DUSP4: variants seen among roughly 807,000 people sequenced by gnomAD.
DUSP4 encodes dual specificity protein phosphatase 4.
In DUSP4, 12 loss-of-function variants were observed where a neutral mutation model predicts 27.2. That is an observed-to-expected ratio of 0.44 (90% CI 0.28 to 0.71). The LOEUF (loss-of-function observed/expected upper bound fraction) is 0.71, where lower values mean the gene tolerates loss of function less well. Ranked by LOEUF, DUSP4 falls within the 30% of genes least tolerant of loss-of-function variation. The pLI, the probability that DUSP4 is intolerant of heterozygous loss-of-function variation, is 0.14. For missense variants in DUSP4, 448 were observed against 551.3 expected, an observed-to-expected ratio of 0.81 and a Z score of 1.88; for synonymous variants, 257 against 245.2, an observed-to-expected ratio of 1.05 and a Z score of -0.45.
In DUSP4 at chr8:29,350,348, A is replaced by C; in HGVS notation, c.-70T>G. On this transcript the variant is annotated 5_prime_UTR_variant, in exon 1 of 4. Transcript: ENST00000240100. Reference sequence around the variant, plus strand: ...GAACCCGGGCCGCCTAGGCTGCAGAAAGGGGCGGGCGAGAGCTAAGAAGGG... The same window carrying C: ...GAACCCGGGCCGCCTAGGCTGCAGACAGGGGCGGGCGAGAGCTAAGAAGGG... 1 of 1,493,918 alleles carries C rather than the reference A, an allele frequency of 6.7e-7. No individual in the cohort carries two copies. Among genetic ancestry groups the C allele is most frequent in the Non-Finnish European group, 8.9e-7 (1 of 1,126,660 alleles). 92.5% of individuals were successfully genotyped at this position (1,493,918 alleles called of 1,614,324 possible). A position where few individuals can be genotyped will look rare whatever the true frequency, so the allele number is the denominator to read the frequency against.
chr8:29,339,840 C>T (rs1304499631), intron 2 of DUSP4, among the ~76,000 whole-genome samples: 2 of 135,688 alleles, frequency 1.5e-5, no homozygotes, highest in Non-Finnish European at 3.2e-5. Context: ...CCCCCCCCCC[C>T]ATCTCTACCA....
Position 29,349,990 on chromosome 8 carries a change from A to G in DUSP4, c.289T>C (p.Leu97=), listed in dbSNP as rs1159099716. Reference sequence around the variant, plus strand: ...ACCGCCGAGTAGAGGCCGGAGCGCAAGCGGGCGCGTACCTCCTCCTCGGCG... The same window carrying G: ...ACCGCCGAGTAGAGGCCGGAGCGCAGGCGGGCGCGTACCTCCTCCTCGGCG... The part of the protein sequence containing the change: ...LPAEEEVRAR[L]RSGLYSAVIV... The change falls in exon 1 of 4, where the codon TTG becomes CTG. Residue 97 remains leucine, a synonymous_variant. Transcript: ENST00000240100. The G allele has an allele frequency of 6.3e-7, 1 of 1,593,644 alleles. No individual in the cohort carries two copies. Among genetic ancestry groups the G allele is most frequent in the Admixed American group, 1.7e-5 (1 of 57,990 alleles).
rs111661543 is a variant in DUSP4, at chr8:29,338,427, G to A, written c.654C>T (p.Asp218=). 225 of 1,614,192 alleles carry A rather than the reference G, an allele frequency of 1.4e-4. No homozygotes were observed. Among genetic ancestry groups the A allele is most frequent in the African/African-American group, 1.1e-3 (79 of 75,044 alleles). ...TCAACAGAGCCGTGATGCCCAGGGC[G>A]TCCAGCATGTCTCTCCGGGCAGCAT... ...AYHAARRDML[D]ALGITALLNV... Residue 218 remains aspartate, a synonymous_variant, in exon 3 of 4, where the codon GAC becomes GAT. Transcript: ENST00000240100.
Position 29,350,670 on chromosome 8 carries a change from C to A in DUSP4, c.-392G>T, listed in dbSNP as rs1587055783. On this transcript the variant is annotated 5_prime_UTR_variant, in exon 1 of 4. Coordinates refer to ENST00000240100, the MANE Select transcript of DUSP4 (RefSeq NM_001394.7). ...GCCTACGCTCCTCCGGCGCTCAGCG[C>A]ACTGCCCCAGCCAGAGTTTTCTCCT... 4.7e-6 allele frequency: 1 copy of A among 210,778 alleles called. No homozygotes were observed. The highest frequency in any genetic ancestry group is 1.3e-4 in the East Asian group (1 of 7,654). 13.1% of individuals were successfully genotyped at this position (210,778 alleles called of 1,614,324 possible).
In DUSP4 at chr8:29,340,131, G is replaced by A; in HGVS notation, c.546C>T (p.Gly182=). ...PPSATEPLDL[G]CSSCGTPLHD... ...GTAGTGGGGTCCCACAGGAGCTGCA[G>A]CCCAGGTCCAAGGGCTCTGTGGCAC... Residue 182 remains glycine (G), a synonymous_variant, in exon 2 of 4, where the codon GGC becomes GGT. Coordinates refer to ENST00000240100, the MANE Select transcript of DUSP4 (RefSeq NM_001394.7). The A allele has an allele frequency of 6.3e-7, 1 of 1,596,946 alleles. No individual in the cohort carries two copies. Among genetic ancestry groups the A allele is most frequent in the Non-Finnish European group, 8.5e-7 (1 of 1,171,414 alleles).
chr8:29,349,824 AGCGC>A lies in DUSP4; in HGVS notation c.433+18_433+21del, dbSNP rs1817795083. ...CCCCTCCATCTCCCCGACTCCAGCT[AGCGC>A]CCGGAGCCCTCGTTTACCTTTGAGC... On this transcript the variant is annotated intron_variant, in intron 1 of 3. Transcript: ENST00000240100. 1 of 1,473,792 alleles carries A rather than the reference AGCGC, an allele frequency of 6.8e-7. No individual in the cohort carries two copies. Among genetic ancestry groups the A allele is most frequent in the African/African-American group, 1.4e-5 (1 of 69,510 alleles). The allele number at this position is 1,473,792 out of a possible 1,614,324, so 91.3% of individuals were successfully genotyped here.
At position 29,337,029 on chromosome 8, in the gene DUSP4, A is replaced by T; in HGVS notation, c.1182T>A (p.Cys394Ter). 1 of 1,597,276 alleles carries T rather than the reference A, an allele frequency of 6.3e-7. No individual in the cohort carries two copies. The highest frequency in any genetic ancestry group is 8.5e-7 in the Non-Finnish European group (1 of 1,172,238). ...LHSPITTSPS[C>*] ...TTCTGGGGCCCCCAGGGCGGCTCTA[A>T]CAGCTGGGAGAGGTGGTGATGGGGC... is the stretch of plus-strand genomic sequence containing the variant. The change falls in exon 4 of 4, where the codon TGT (cysteine) becomes TGA (stop). Residue 394 changes from cysteine (C) to a stop codon, truncating the protein, a stop_gained. Transcript: ENST00000240100. LOFTEE classifies it high-confidence loss of function. The surrounding 1 kb of genome is among the most constrained non-coding windows in gnomAD (Gnocchi z 6.4).
In DUSP4 at chr8:29,335,499, C is replaced by G. The variant is rs1480342023; in HGVS notation, c.*1527G>C. ...GATGCTCTCTTGCCCTTCCACACTT[C>G]GAGAAGACCTGAAATGTGGTGTCCA... On this transcript the variant is annotated 3_prime_UTR_variant, in exon 4 of 4. Transcript: ENST00000240100. 6.6e-6 allele frequency: 1 copy of G among 152,192 alleles called. No homozygotes were observed. The highest frequency in any genetic ancestry group is 2.4e-5 in the African/African-American group (1 of 41,440). The allele number at this position is 152,192 out of a possible 1,614,324, so 9.4% of individuals were successfully genotyped here.
Position 29,337,440 on chromosome 8 carries a change from A to C in DUSP4, c.800-29T>G, listed in dbSNP as rs116751946. The C allele has an allele frequency of 6.5e-3, 10,116 of 1,567,504 alleles. 71 individuals carry two copies. Among genetic ancestry groups the C allele is most frequent in the African/African-American group, 0.017 (1,228 of 74,412 alleles). On this transcript the variant is annotated intron_variant, in intron 3 of 3. Transcript: ENST00000240100. The surrounding 1 kb of genome is among the most constrained non-coding windows in gnomAD (Gnocchi z 6.4). The stretch of plus-strand genomic sequence containing the variant: ...GGGACAGGGTTCAATAGGTTAGTGC[A>C]CGTTTCTGCAGACCCCAGCCCCGAC...
At position 29,345,420 on chromosome 8, in the gene DUSP4, C is replaced by T. The variant is rs201338986; in HGVS notation, c.433+4426G>A. 6.3e-5 allele frequency: 102 copies of T among 1,614,140 alleles called. No homozygotes were observed. The Middle Eastern group carries it at 2.1e-3, about 34-fold the overall frequency. On this transcript the variant is annotated intron_variant, in intron 1 of 3. Transcript: ENST00000240100. ...GGACCTTCCTGCCAGCTGGCTGACA[C>T]CTAACGCCATGCTGGGGGCTCGAAC... is the stretch of plus-strand genomic sequence containing the variant.
intron 1 of DUSP4, 81 bp downstream of exon 1, chr8:29,349,765 C>T (rs1173357576): frequency 1.4e-6 from 2 of 1,407,124 alleles, no homozygotes; most frequent in Admixed American, 3.0e-5. Context: ...CCGGGGACTC[C>T]TTCCCGTGCC....
chr8:29,343,167 C>CAAAAAAAAA (rs3052311), intron 1 of DUSP4, among the ~76,000 whole-genome samples: 1 of 86,568 alleles, frequency 1.2e-5, no homozygotes. Context: ...GACTCCATCT[C>CAAAAAAAAA]AAAAAAAAAA....
At chr8:29,345,789 T>C in intron 1 of DUSP4, 1 of 1,244,260 alleles carries the variant, frequency 8.0e-7, no homozygotes, top group Non-Finnish European at 1.0e-6. Context: ...CTGTCTTTAG[T>C]TACTTTTGTT....
At chr8:29,340,309 G>A (rs559147563) in intron 1 of DUSP4, 66 bp from the exon 2 acceptor site, 13 of 1,517,820 alleles carry the variant, frequency 8.6e-6, no homozygotes, top group African/African-American at 2.8e-5. Flanking sequence ...GAAAGAACTC[G>A]ACTCCTACAG....
chr8:29,343,444 C>T (rs956306179), intron 1 of DUSP4, among the ~76,000 whole-genome samples: 1 of 152,174 alleles, frequency 6.6e-6, no homozygotes, highest in Non-Finnish European at 1.5e-5. Flanking sequence ...ATTTATCCAT[C>T]GGTGGAAGAA....
chr8:29,345,663 T>A, intron 1 of DUSP4: 1 of 1,448,620 alleles, frequency 6.9e-7, no homozygotes, highest in Non-Finnish European at 9.0e-7. Context: ...CCCTCATTTT[T>A]CTGAGCAGTC....
chr8:29,335,303 GC>G lies in DUSP4; in HGVS notation c.*1722del, dbSNP rs1817555186. 6.6e-6 allele frequency: 1 copy of G among 151,492 alleles called. No homozygotes were observed. The highest frequency in any genetic ancestry group is 6.6e-5 in the Admixed American group (1 of 15,182). 9.4% of individuals were successfully genotyped at this position (151,492 alleles called of 1,614,324 possible). On this transcript the variant is annotated 3_prime_UTR_variant, in exon 4 of 4. Transcript: ENST00000240100. ...TAAGGATTCAAAATGGCACCCACGT[GC>G]CGACGATAGATTCAAAATGGCGCCT...
Position 29,337,041 on chromosome 8 carries a change from G to A in DUSP4, c.1170C>T (p.Thr390=), listed in dbSNP as rs371426438. 1.9e-5 allele frequency: 30 copies of A among 1,602,200 alleles called. No individual in the cohort carries two copies. In the East Asian group the frequency reaches 6.5e-4, roughly 35 times the overall value. Residue 390 remains threonine (T), a synonymous_variant, in exon 4 of 4, where the codon ACC becomes ACT. Coordinates refer to ENST00000240100, the MANE Select transcript of DUSP4 (RefSeq NM_001394.7). This position sits in a 1 kb window ranked among gnomAD's most constrained non-coding sequence, Gnocchi z 6.4. ...CAGGGCGGCTCTAACAGCTGGGAGAGGTGGTGATGGGGCTGTGCAGGTAGG... is the reference window on the plus strand; with the variant it reads ...CAGGGCGGCTCTAACAGCTGGGAGAAGTGGTGATGGGGCTGTGCAGGTAGG... The part of the protein sequence containing the change: ...SLPYLHSPIT[T]SPSC
chr8:29,344,204 C>G (rs1353887155), intron 1 of DUSP4, among the ~76,000 whole-genome samples: 1 of 152,164 alleles, frequency 6.6e-6, no homozygotes, highest in Non-Finnish European at 1.5e-5. Context: ...TTCCAATATC[C>G]TCTGCTTCTA....
Sources: gnomAD v4.1 joint callset for allele counts (sites outside exome capture counted in the v4.1 genomes callset) on GRCh38, gnomAD v4.1.1 for gene constraint, Gnocchi (gnomAD v3.1) non-coding constraint, MANE v1.5 for transcripts, NCBI Gene and HGNC (gene_info 2026-07-23, HGNC 2026-07-21) for gene names.